The following ARID1B variants were observed in gnomAD, a reference collection of about 807,000 sequenced individuals.
ARID1B encodes AT-rich interactive domain-containing protein 1B.
In ARID1B, 30 loss-of-function variants were observed where a neutral mutation model predicts 212.3. That is an observed-to-expected ratio of 0.14 (90% CI 0.11 to 0.19). ARID1B has a LOEUF of 0.19. Among genes scored for constraint, ARID1B ranks in the 10% least tolerant of loss-of-function variants. The pLI, the probability that ARID1B is intolerant of heterozygous loss-of-function variation, is 1.00. For synonymous variants in ARID1B, 1,402 were observed against 1,301.7 expected (o/e 1.08, Z -1.66); for missense variants, 2,891 against 3,204.0 (o/e 0.90, Z 2.36).
At position 156,992,825 on chromosome 6, in the gene ARID1B, G is replaced by A. The variant is rs144579661; in HGVS notation, c.2247+57249G>A. Among the ~76,000 whole-genome samples the A allele has an allele frequency of 3.5e-3, 528 of 152,168 alleles. 3 individuals carry two copies. The highest frequency in any genetic ancestry group is 0.012 in the African/African-American group (496 of 41,450). On this transcript the variant is annotated intron_variant, in intron 4 of 19. Coordinates refer to ENST00000636930, the MANE Select transcript of ARID1B (RefSeq NM_001374828.1). ...ACCAGGCACAGCATTGGAGGGAGCC[G>A]CCGGCTGCAGACTGGATTGCCTAGC...
intron 1 of ARID1B, among the ~76,000 whole-genome samples, chr6:156,810,633 TGG>T: frequency 6.6e-6 from 1 of 152,166 alleles, no homozygotes; most frequent in Non-Finnish European, 1.5e-5. Context: ...TCATTTTGCC[TGG>T]TGGTTTCAAG....
At chr6:157,159,112 G>A (rs188476634) in intron 8 of ARID1B, among the ~76,000 whole-genome samples, 21 of 152,292 alleles carry the variant, frequency 1.4e-4, no homozygotes, top group Admixed American at 8.5e-4. Context: ...CACACTGTGC[G>A]CTTGAGGCAG....
chr6:156,854,612 C>G (rs913713391), intron 2 of ARID1B, among the ~76,000 whole-genome samples: 2 of 152,222 alleles, frequency 1.3e-5, no homozygotes, highest in African/African-American at 4.8e-5. Context: ...GTGGCCTGTT[C>G]CACAGTGCTT....
intron 7 of ARID1B, among the ~76,000 whole-genome samples, chr6:157,138,878 C>T (rs1280488880): frequency 6.6e-6 from 1 of 152,032 alleles, no homozygotes; most frequent in Admixed American, 6.6e-5. Flanking sequence ...ATCTGTTTTG[C>T]TAATATTAGA....
intron 8 of ARID1B, among the ~76,000 whole-genome samples, chr6:157,152,913 T>C (rs1400894264): frequency 1.3e-5 from 2 of 152,130 alleles, no homozygotes; most frequent in African/African-American, 4.8e-5. Context: ...CAAGGCACAA[T>C]CCCAAAGGAC....
chr6:156,869,784 A>G (rs1038176875), intron 2 of ARID1B, among the ~76,000 whole-genome samples: 12 of 152,256 alleles, frequency 7.9e-5, no homozygotes, highest in Non-Finnish European at 1.6e-4. Context: ...TCTTAAGGAA[A>G]AAAAAGAGTG....
intron 7 of ARID1B, among the ~76,000 whole-genome samples, chr6:157,138,468 G>T (rs901254208): frequency 7.9e-5 from 12 of 152,184 alleles, no homozygotes; most frequent in African/African-American, 2.9e-4. Flanking sequence ...AAACTCCTGG[G>T]CTCACATGAT....
intron 2 of ARID1B, among the ~76,000 whole-genome samples, chr6:156,885,357 GATT>G (rs1336946436): frequency 6.6e-6 from 1 of 152,152 alleles, no homozygotes; most frequent in Non-Finnish European, 1.5e-5. Flanking sequence ...ATCATTTTAT[GATT>G]ATTTATTGAG....
Position 156,901,578 on chromosome 6 carries a change from C to CCGG in ARID1B, c.2136+55_2136+57dup, listed in dbSNP as rs1300138296. On this transcript the variant is annotated intron_variant, in intron 3 of 19. Coordinates refer to ENST00000636930, the MANE Select transcript of ARID1B (RefSeq NM_001374828.1). ...CCCTGTTTTCTCCACCAAGGCAGAC[C>CCGG]CGGCTCTGAATCATCTTCCTGTCCT... 31 of 1,559,438 alleles carry CCGG rather than the reference C, an allele frequency of 2.0e-5. 1 individual carries two copies. The South Asian group carries it at 3.4e-4, about 17-fold the overall frequency.
At chr6:157,158,846 CTT>C (rs1790735460) in intron 8 of ARID1B, among the ~76,000 whole-genome samples, 2 of 152,164 alleles carry the variant, frequency 1.3e-5, no homozygotes. Flanking sequence ...TCAAGATAAA[CTT>C]TTTAAGTAAA....
At chr6:157,021,444 G>A (rs1780249406) in intron 4 of ARID1B, among the ~76,000 whole-genome samples, 1 of 152,208 alleles carries the variant, frequency 6.6e-6, no homozygotes, top group Admixed American at 6.5e-5. Flanking sequence ...GAGTCACACA[G>A]CAGCCCGGCG....
At position 157,154,873 on chromosome 6, in the gene ARID1B, G is replaced by T. The variant is rs975808764; in HGVS notation, c.3089+5922G>T. Reference sequence around the variant, plus strand: ...TGGGATTACAGGCATGAGCTACTGCGCCCGGCCTGTTGCTCTTCTTTCTAC... The same window carrying T: ...TGGGATTACAGGCATGAGCTACTGCTCCCGGCCTGTTGCTCTTCTTTCTAC... On this transcript the variant is annotated intron_variant, in intron 8 of 19. Coordinates refer to ENST00000636930, the MANE Select transcript of ARID1B (RefSeq NM_001374828.1). Among the ~76,000 whole-genome samples the T allele has an allele frequency of 1.3e-4, 20 of 152,176 alleles. 1 individual carries two copies. Among genetic ancestry groups the T allele is most frequent in the Admixed American group, 1.2e-3 (19 of 15,290 alleles).
chr6:156,907,670 G>C (rs1488103060), intron 3 of ARID1B, among the ~76,000 whole-genome samples: 1 of 151,378 alleles, frequency 6.6e-6, no homozygotes, highest in African/African-American at 2.4e-5. Flanking sequence ...CTTTGGGAGG[G>C]CAGATCACCT....
chr6:156,783,295 A>T (rs1450167798), intron 1 of ARID1B, among the ~76,000 whole-genome samples: 1 of 151,896 alleles, frequency 6.6e-6, no homozygotes, highest in East Asian at 1.9e-4. Flanking sequence ...ATTTTCCTTT[A>T]CTGAAATTGA....
intron 4 of ARID1B, among the ~76,000 whole-genome samples, chr6:157,053,383 G>A (rs145233587): frequency 1.8e-4 from 28 of 152,310 alleles, no homozygotes; most frequent in African/African-American, 3.6e-4. Context: ...ACCACCCCTG[G>A]CCTATCATGC....
At chr6:156,947,211 A>G (rs190956654) in intron 4 of ARID1B, among the ~76,000 whole-genome samples, 1 of 152,200 alleles carries the variant, frequency 6.6e-6, no homozygotes, top group Non-Finnish European at 1.5e-5. Context: ...GTAAATTTCT[A>G]TCCAAATAGG....
chr6:156,812,400 C>T (rs950690587), intron 1 of ARID1B, among the ~76,000 whole-genome samples: 1 of 152,108 alleles, frequency 6.6e-6, no homozygotes, highest in African/African-American at 2.4e-5. Flanking sequence ...TCCATTTCTT[C>T]AAGAAAGAAG....
chr6:157,201,055 G>A lies in ARID1B; in HGVS notation c.4830G>A (p.Ala1610=), dbSNP rs759759957. ...AGGGCCCTGGCGGCCCTACACAGGCGCCCCCTTACCCAGGCATGAACCGCA... is the reference window on the plus strand; with the variant it reads ...AGGGCCCTGGCGGCCCTACACAGGCACCCCCTTACCCAGGCATGAACCGCA... The part of the protein sequence containing the change: ...NRQGPGGPTQ[A]PPYPGMNRTD... The change falls in exon 18 of 20, where the codon GCG becomes GCA. Residue 1610 remains alanine, a synonymous_variant. Transcript: ENST00000636930. The surrounding 1 kb of genome is among the most constrained non-coding windows in gnomAD (Gnocchi z 5.2). 9.9e-6 allele frequency: 16 copies of A among 1,613,612 alleles called. No individual in the cohort carries two copies. The highest frequency in any genetic ancestry group is 4.5e-5 in the East Asian group (2 of 44,878).
chr6:157,100,563 G>T (rs1785988719), intron 5 of ARID1B, among the ~76,000 whole-genome samples: 1 of 152,132 alleles, frequency 6.6e-6, no homozygotes, highest in African/African-American at 2.4e-5. Context: ...TAACTTGTGG[G>T]TTTTCTAACT....
Sources: allele counts gnomAD v4.1 joint callset (sites outside exome capture counted in the v4.1 genomes callset), GRCh38; gene constraint gnomAD v4.1.1; non-coding constraint Gnocchi (gnomAD v3.1); transcripts MANE v1.5; gene names NCBI Gene and HGNC (gene_info 2026-07-23, HGNC 2026-07-21).